The following LONP2 variants were observed in gnomAD, a reference collection of about 807,000 sequenced individuals.
The protein encoded by LONP2 is lon protease homolog 2, peroxisomal.
LONP2 carries 60 observed loss-of-function variants against 85.6 expected under a neutral mutation model. The ratio of observed to expected loss-of-function variants is 0.70; its 90% CI spans 0.57 to 0.87. The LOEUF (loss-of-function observed/expected upper bound fraction) is 0.87, where lower values mean the gene tolerates loss of function less well. Among genes scored for constraint, LONP2 ranks in the 40% least tolerant of loss-of-function variants. The probability of loss-of-function intolerance (pLI) is 0.00; values close to 1 mark genes in which losing one functional copy is unlikely to be tolerated. For synonymous variants in LONP2, 395 were observed against 389.7 expected, an observed-to-expected ratio of 1.01 and a Z score of -0.16; for missense variants, 860 against 1,063.5, an observed-to-expected ratio of 0.81 and a Z score of 2.66.
intron 2 of LONP2, among the ~76,000 whole-genome samples, chr16:48,252,857 C>T (rs1352132910): frequency 6.6e-6 from 1 of 152,186 alleles, no homozygotes; most frequent in Non-Finnish European, 1.5e-5. Context: ...TTTAGATATG[C>T]ATTAAATATT....
chr16:48,354,966 GA>G lies in LONP2; in HGVS notation c.*3169del. The G allele has an allele frequency of 6.6e-6, 1 of 152,224 alleles. No individual in the cohort carries two copies. Among genetic ancestry groups the G allele is most frequent in the Non-Finnish European group, 1.5e-5 (1 of 68,024 alleles). 9.4% of individuals were successfully genotyped at this position (152,224 alleles called of 1,614,324 possible). ...AAACAAAAACTAATACTTTCCCTGG[GA>G]AAAAGCCATGTGGTAGCAAGTACCA... On this transcript the variant is annotated 3_prime_UTR_variant, in exon 15 of 15. Coordinates refer to ENST00000285737, the MANE Select transcript of LONP2 (RefSeq NM_031490.5).
At chr16:48,308,437 G>A (rs867306322) in intron 11 of LONP2, among the ~76,000 whole-genome samples, 2 of 152,128 alleles carry the variant, frequency 1.3e-5, no homozygotes, top group African/African-American at 4.8e-5. Context: ...GACCAACCTG[G>A]CCAAAATGGT....
chr16:48,258,357 G>GA (rs1168180704), intron 3 of LONP2, among the ~76,000 whole-genome samples: 51 of 133,764 alleles, frequency 3.8e-4, no homozygotes, highest in South Asian at 2.3e-3. Flanking sequence ...AAAAAAAAAA[G>GA]AAAAAAAAAA....
rs1231837053 is a variant in LONP2, at chr16:48,348,291, G to T, written c.2337+1G>T. Reference sequence around the variant, plus strand: ...TACACTGAGAGGTCTTGTTCTTCCAGTAAGTATGAAAAAACAATTTATATG... The same window carrying T: ...TACACTGAGAGGTCTTGTTCTTCCATTAAGTATGAAAAAACAATTTATATG... On this transcript the variant is annotated splice_donor_variant, in intron 14 of 14. Transcript: ENST00000285737. LOFTEE classifies it high-confidence loss of function. 3 of 1,442,076 alleles carry T rather than the reference G, an allele frequency of 2.1e-6. No homozygotes were observed. The highest frequency in any genetic ancestry group is 2.7e-6 in the Non-Finnish European group (3 of 1,092,832). The allele number at this position is 1,442,076 out of a possible 1,614,324, so 89.3% of individuals were successfully genotyped here.
intron 1 of LONP2, among the ~76,000 whole-genome samples, chr16:48,251,905 T>A (rs1056449541): frequency 6.6e-6 from 1 of 152,220 alleles, no homozygotes; most frequent in Non-Finnish European, 1.5e-5. Context: ...CCTAATTTTT[T>A]AAAAGAGGTG....
chr16:48,279,117 G>C (rs1435682175), intron 8 of LONP2, among the ~76,000 whole-genome samples: 2 of 151,574 alleles, frequency 1.3e-5, no homozygotes, highest in East Asian at 3.9e-4. Flanking sequence ...CTGACCACTT[G>C]GTATATTAAA....
intron 6 of LONP2, among the ~76,000 whole-genome samples, chr16:48,269,398 A>G (rs1188321009): frequency 6.6e-6 from 1 of 152,254 alleles, no homozygotes; most frequent in Non-Finnish European, 1.5e-5. Flanking sequence ...GTAATGGAAC[A>G]TTAAGTAACC....
chr16:48,298,626 GGTGTGTGTGT>G (rs3138605), intron 9 of LONP2, among the ~76,000 whole-genome samples: 1,430 of 134,378 alleles, frequency 0.011, 22 homozygotes, highest in African/African-American at 0.036. Context: ...ATTTAATTGA[GGTGTGTGTGT>G]GTGTGTGTGT....
At chr16:48,310,872 C>T (rs1434397960) in intron 11 of LONP2, among the ~76,000 whole-genome samples, 3 of 152,190 alleles carry the variant, frequency 2.0e-5, no homozygotes, top group Admixed American at 2.0e-4. Context: ...TGAATTCCCT[C>T]ATTTGCTTAT....
chr16:48,359,566 A>G (rs2151041888), downstream of LONP2, among the ~76,000 whole-genome samples: 1 of 152,122 alleles, frequency 6.6e-6, no homozygotes, highest in South Asian at 2.1e-4. Flanking sequence ...AAATATAAAA[A>G]TTGGCCGGGC....
intron 7 of LONP2, among the ~76,000 whole-genome samples, chr16:48,270,950 A>G (rs1465650502): frequency 6.6e-6 from 1 of 152,092 alleles, no homozygotes; most frequent in Non-Finnish European, 1.5e-5. Flanking sequence ...CAACATAGGG[A>G]AACACTTTTG....
chr16:48,333,544 G>A (rs1959534110), intron 11 of LONP2, among the ~76,000 whole-genome samples: 1 of 152,096 alleles, frequency 6.6e-6, no homozygotes, highest in South Asian at 2.1e-4. Context: ...ACTCATGCCT[G>A]TAATCCCAGC....
intron 12 of LONP2, among the ~76,000 whole-genome samples, chr16:48,347,159 T>C (rs1197023973): frequency 6.6e-6 from 1 of 152,144 alleles, no homozygotes; most frequent in Non-Finnish European, 1.5e-5. Context: ...TCTCAAAATA[T>C]ATATATATTT....
intron 9 of LONP2, among the ~76,000 whole-genome samples, chr16:48,298,626 G>T (rs911597777): frequency 2.7e-4 from 36 of 134,396 alleles, no homozygotes; most frequent in African/African-American, 9.9e-4. Flanking sequence ...ATTTAATTGA[G>T]GTGTGTGTGT....
At chr16:48,344,361 G>C (rs1025052736) in intron 12 of LONP2, 1 of 152,160 alleles carries the variant, frequency 6.6e-6, no homozygotes. Context: ...AATAACTTCA[G>C]TTCTCCCCAC....
At chr16:48,327,570 G>A (rs930619657) in intron 11 of LONP2, among the ~76,000 whole-genome samples, 1 of 152,130 alleles carries the variant, frequency 6.6e-6, no homozygotes, top group Non-Finnish European at 1.5e-5. Flanking sequence ...CGATTCTCAT[G>A]TGTTAGCCTC....
chr16:48,257,656 G>A (rs1755869518), intron 3 of LONP2, among the ~76,000 whole-genome samples: 1 of 152,088 alleles, frequency 6.6e-6, no homozygotes, highest in African/African-American at 2.4e-5. Flanking sequence ...TAGAATATTT[G>A]TTTGTTTTCA....
At chr16:48,321,231 CAA>C (rs1973257261) in intron 11 of LONP2, among the ~76,000 whole-genome samples, 1 of 152,122 alleles carries the variant, frequency 6.6e-6, no homozygotes, top group Non-Finnish European at 1.5e-5. Context: ...AAAACAAACT[CAA>C]GTTACAAGAG....
Position 48,303,281 on chromosome 16 carries a change from C to A in LONP2, c.1771C>A (p.Arg591Ser). 1 of 1,613,942 alleles carries A rather than the reference C, an allele frequency of 6.2e-7. No individual in the cohort carries two copies. The highest frequency in any genetic ancestry group is 1.1e-5 in the South Asian group (1 of 91,066). Residue 591 changes from arginine to serine, a missense_variant, in exon 11 of 15, where the codon CGT (arginine) becomes AGT (serine). Transcript: ENST00000285737. ...EGQHKEAKLD[R>S]SDVTEREGCR... ...ACAGCATAAGGAAGCCAAGTTGGAC[C>A]GTTCTGATGTGACTGAGAGAGAAGG...
Sources: allele counts gnomAD v4.1 joint callset (sites outside exome capture counted in the v4.1 genomes callset), GRCh38; gene constraint gnomAD v4.1.1; transcripts MANE v1.5; gene names NCBI Gene and HGNC (gene_info 2026-07-23, HGNC 2026-07-21).